Variants in PPP2R2D observed in about 807,000 individuals in gnomAD.
The protein encoded by PPP2R2D is protein phosphatase 2 regulatory subunit Bdelta.
PPP2R2D carries 9 observed loss-of-function variants against 31.1 expected under a neutral mutation model. The observed-to-expected ratio is 0.29, with a 90% CI of 0.17 to 0.51. The LOEUF (loss-of-function observed/expected upper bound fraction) is 0.51, where lower values mean the gene tolerates loss of function less well. Among genes scored for constraint, PPP2R2D ranks in the 20% least tolerant of loss-of-function variants. The probability of loss-of-function intolerance (pLI) is 0.98; values close to 1 mark genes in which losing one functional copy is unlikely to be tolerated. For missense variants in PPP2R2D, 391 were observed against 465.6 expected (o/e 0.84, Z 1.48); for synonymous variants, 179 against 172.6 (o/e 1.04, Z -0.29).
chr10:131,966,382 T>C, the PPP2R2D span: 1 of 152,238 alleles, frequency 6.6e-6, no homozygotes, highest in Non-Finnish European at 1.5e-5. Flanking sequence ...AAGGGTTATT[T>C]ACAGAAGCTA....
At chr10:131,923,661 TGTATTTCCCTA>T (rs1197033523) in intron 2 of PPP2R2D, among the ~76,000 whole-genome samples, 1 of 152,240 alleles carries the variant, frequency 6.6e-6, no homozygotes, top group Non-Finnish European at 1.5e-5. Flanking sequence ...GGTTTTGATT[TGTATTTCCCTA>T]GTGATTAATG....
intron 8 of PPP2R2D, among the ~76,000 whole-genome samples, chr10:131,949,528 A>G (rs2036602452): frequency 6.6e-6 from 1 of 152,240 alleles, no homozygotes; most frequent in Admixed American, 6.5e-5. Context: ...AGGAAAAGCC[A>G]CCGTGAGCAA....
chr10:131,929,170 C>G (rs1332915739), intron 2 of PPP2R2D, among the ~76,000 whole-genome samples: 1 of 152,178 alleles, frequency 6.6e-6, no homozygotes, highest in Admixed American at 6.5e-5. Flanking sequence ...GGATTTCTGT[C>G]TCCTGTGCTT....
In PPP2R2D at chr10:131,936,676, C is replaced by T. The variant is rs142590998; in HGVS notation, c.198+2121C>T. Reference sequence around the variant, plus strand: ...AAAACAAACCCTGATAAAAGTCAAGCATCTCGTTCTAAAAGATATTGGGTA... The same window carrying T: ...AAAACAAACCCTGATAAAAGTCAAGTATCTCGTTCTAAAAGATATTGGGTA... On this transcript the variant is annotated intron_variant, in intron 3 of 8. Transcript: ENST00000455566. 1.5e-3 allele frequency among the ~76,000 whole-genome samples: 230 copies of T among 152,310 alleles called. 1 individual carries two copies. The highest frequency in any genetic ancestry group is 5.3e-3 in the African/African-American group (219 of 41,560).
intron 2 of PPP2R2D, 121 bp from the exon 3 acceptor site, chr10:131,934,337 T>C: frequency 3.2e-6 from 2 of 629,816 alleles, no homozygotes; most frequent in Non-Finnish European, 2.9e-6. Context: ...ACAGTTTTGC[T>C]TTAGTCTCGG....
rs138437612 is a variant in PPP2R2D at position 131,952,784 on chromosome 10, G to A, written c.1083-2900G>A. ...GGGGTTCACTGTCTTAGTGACTTGC[G>A]GGTGTGCAGGGGGTTCACTTAGCAG... On this transcript the variant is annotated intron_variant, in intron 8 of 8. Transcript: ENST00000455566. 1.7e-5 allele frequency among the ~76,000 whole-genome samples: 2 copies of A among 115,356 alleles called. 1 individual carries two copies. Among genetic ancestry groups the A allele is most frequent in the Non-Finnish European group, 3.5e-5 (2 of 56,980 alleles). The allele number at this position is 115,356 out of a possible 152,430, so 75.7% of individuals were successfully genotyped here. A position where few individuals can be genotyped will look rare whatever the true frequency, so the allele number is the denominator to read the frequency against.
intron 8 of PPP2R2D, among the ~76,000 whole-genome samples, chr10:131,951,156 C>G (rs575423335): frequency 6.6e-6 from 1 of 152,304 alleles, no homozygotes; most frequent in African/African-American, 2.4e-5. Context: ...CCTTTCATGC[C>G]CATCAGAATG....
Position 131,955,894 on chromosome 10 carries a change from C to T in PPP2R2D, c.1293C>T (p.His431=). 2 of 1,599,122 alleles carry T rather than the reference C, an allele frequency of 1.3e-6. No homozygotes were observed. Among genetic ancestry groups the T allele is most frequent in the Non-Finnish European group, 8.5e-7 (1 of 1,172,186 alleles). The change falls in exon 9 of 9, where the codon CAC becomes CAT. Residue 431 remains histidine, a synonymous_variant. Transcript: ENST00000455566. ...FNKKILHTAW[H]PVDNVIAVAA... is the part of the protein sequence containing the mutation. ...AGAAGATCCTGCACACAGCCTGGCACCCCGTGGACAATGTCATTGCCGTGG... is the reference window on the plus strand; with the variant it reads ...AGAAGATCCTGCACACAGCCTGGCATCCCGTGGACAATGTCATTGCCGTGG...
intron 2 of PPP2R2D, among the ~76,000 whole-genome samples, chr10:131,932,933 A>G (rs558738134): frequency 3.3e-5 from 5 of 152,230 alleles, no homozygotes; most frequent in African/African-American, 1.2e-4. Flanking sequence ...GACTCAGTCC[A>G]TTATAATTAA....
intron 3 of PPP2R2D, among the ~76,000 whole-genome samples, chr10:131,937,114 G>A (rs574008276): frequency 3.3e-5 from 5 of 152,318 alleles, no homozygotes; most frequent in South Asian, 2.1e-4. Context: ...TGGAGGATTC[G>A]GAAGGCTAGT....
chr10:131,908,399 G>A (rs1218875698), intron 2 of PPP2R2D, among the ~76,000 whole-genome samples: 1 of 152,136 alleles, frequency 6.6e-6, no homozygotes, highest in Non-Finnish European at 1.5e-5. Flanking sequence ...TCAGCGTTCA[G>A]TGTCGTCTTA....
At chr10:131,951,827 A>C (rs2036641573) in intron 8 of PPP2R2D, among the ~76,000 whole-genome samples, 1 of 152,196 alleles carries the variant, frequency 6.6e-6, no homozygotes, top group African/African-American at 2.4e-5. Context: ...CTCAAAAAAA[A>C]ACAAAAAAAA....
intron 2 of PPP2R2D, among the ~76,000 whole-genome samples, chr10:131,905,766 C>G (rs1414164551): frequency 6.6e-6 from 1 of 152,264 alleles, no homozygotes; most frequent in Non-Finnish European, 1.5e-5. Context: ...GCCACGCCGA[C>G]TGGCCGCAGA....
At chr10:131,970,856 ACACT>A in the PPP2R2D span, 1 of 1,614,234 alleles carries the variant, frequency 6.2e-7, no homozygotes, top group South Asian at 1.1e-5. The surrounding 1 kb of genome is among the most constrained non-coding windows in gnomAD (Gnocchi z 4.1). Context: ...CACTGAGAAC[ACACT>A]CACTTGGGGG....
rs189835671 is a variant in PPP2R2D at position 131,924,483 on chromosome 10, G to A, written c.101-9975G>A. Among the ~76,000 whole-genome samples, 16 of 152,164 alleles carry A rather than the reference G, an allele frequency of 1.1e-4. No homozygotes were observed. In the East Asian group the frequency reaches 1.9e-3, roughly 18 times the overall value. ...TACACTTGTTGAAAATCAGTTGACC[G>A]TAAGTGTCCTTCTAGACTCTGACCT... On this transcript the variant is annotated intron_variant, in intron 2 of 8. Transcript: ENST00000455566.
At position 131,956,132 on chromosome 10, in the gene PPP2R2D, C is replaced by T; in HGVS notation, c.*169C>T. ...CGCTGGAGGCCCGGTGTGGTTCCGCCTCGGCGAGGCGCGAGACAGGCGCTG... is the reference window on the plus strand; with the variant it reads ...CGCTGGAGGCCCGGTGTGGTTCCGCTTCGGCGAGGCGCGAGACAGGCGCTG... On this transcript the variant is annotated 3_prime_UTR_variant, in exon 9 of 9. Coordinates refer to ENST00000455566, the MANE Select transcript of PPP2R2D (RefSeq NM_018461.5). The T allele has an allele frequency of 8.0e-7, 1 of 1,252,526 alleles. No individual in the cohort carries two copies. The highest frequency in any genetic ancestry group is 3.6e-5 in the South Asian group (1 of 27,882). The allele number at this position is 1,252,526 out of a possible 1,614,324, so 77.6% of individuals were successfully genotyped here.
downstream of PPP2R2D, among the ~76,000 whole-genome samples, chr10:131,960,297 G>A (rs2036905772): frequency 1.3e-5 from 2 of 152,238 alleles, no homozygotes; most frequent in Non-Finnish European, 2.9e-5. Flanking sequence ...GAAGGTTAAT[G>A]CTGAGCACAG....
intron 2 of PPP2R2D, among the ~76,000 whole-genome samples, chr10:131,921,413 C>G (rs1219204729): frequency 6.6e-6 from 1 of 152,098 alleles, no homozygotes; most frequent in Admixed American, 6.5e-5. Context: ...TTGATGAGGG[C>G]TCTGGGAGTC....
chr10:131,914,450 G>A (rs2035738168), intron 2 of PPP2R2D, among the ~76,000 whole-genome samples: 1 of 152,126 alleles, frequency 6.6e-6, no homozygotes, highest in South Asian at 2.1e-4. Context: ...ATTTTTTGGA[G>A]GGTAATTTGA....
Sources: gnomAD v4.1 joint callset for allele counts (sites outside exome capture counted in the v4.1 genomes callset) on GRCh38, gnomAD v4.1.1 for gene constraint, Gnocchi (gnomAD v3.1) non-coding constraint, MANE v1.5 for transcripts, NCBI Gene and HGNC (gene_info 2026-07-23, HGNC 2026-07-21) for gene names.